The following COL4A3 variants were observed in gnomAD, a reference collection of about 807,000 sequenced individuals.
The protein encoded by COL4A3 is collagen alpha-3(IV) chain.
COL4A3 carries 135 observed loss-of-function variants against 217.4 expected under a neutral mutation model. The ratio of observed to expected loss-of-function variants is 0.62; its 90% CI spans 0.54 to 0.72. COL4A3 has a LOEUF of 0.72. Among genes scored for constraint, COL4A3 ranks in the 30% least tolerant of loss-of-function variants. COL4A3 has a pLI of 0.00. For missense variants in COL4A3, 1,868 were observed against 2,119.9 expected, an observed-to-expected ratio of 0.88 and a Z score of 2.33; for synonymous variants, 690 against 736.3, an observed-to-expected ratio of 0.94 and a Z score of 1.02.
At chr2:227,305,328 C>T in intron 47 of COL4A3, 1 of 469,300 alleles carries the variant, frequency 2.1e-6, no homozygotes, top group South Asian at 2.1e-5. Flanking sequence ...AGCCTGAGGA[C>T]AAATAGAACT....
intron 1 of COL4A3, among the ~76,000 whole-genome samples, chr2:227,166,112 A>G (rs912991362): frequency 4.6e-5 from 7 of 152,228 alleles, no homozygotes; most frequent in Admixed American, 6.5e-5. Flanking sequence ...TTTGTTGCAC[A>G]GTATTTCACA....
chr2:227,180,256 C>T (rs2065827731), intron 1 of COL4A3, among the ~76,000 whole-genome samples: 1 of 152,172 alleles, frequency 6.6e-6, no homozygotes, highest in South Asian at 2.1e-4. Flanking sequence ...CCTCTGAAAT[C>T]TTATGAGATG....
At chr2:227,254,750 G>T in intron 15 of COL4A3, 35 bp downstream of exon 15, 1 of 1,484,040 alleles carries the variant, frequency 6.7e-7, no homozygotes, top group South Asian at 1.1e-5. Context: ...GTGCAGTTTT[G>T]ATTAGTCAGG....
At chr2:227,301,404 C>T (rs1213508772) in intron 43 of COL4A3, among the ~76,000 whole-genome samples, 1 of 152,178 alleles carries the variant, frequency 6.6e-6, no homozygotes, top group African/African-American at 2.4e-5. Flanking sequence ...TAATGAGGTG[C>T]TTTGCCATAG....
intron 44 of COL4A3, 113 bp downstream of exon 44, chr2:227,303,223 C>T (rs954157859): frequency 3.6e-6 from 3 of 844,308 alleles, no homozygotes; most frequent in Admixed American, 3.8e-5. Flanking sequence ...ACAAATAGGA[C>T]CTCAATACGA....
intron 1 of COL4A3, among the ~76,000 whole-genome samples, chr2:227,202,135 G>T (rs1328795664): frequency 6.6e-6 from 1 of 152,118 alleles, no homozygotes; most frequent in African/African-American, 2.4e-5. Context: ...TTAAGTACGG[G>T]TTCATTAGAA....
chr2:227,307,104 T>C (rs2073537459), intron 47 of COL4A3, among the ~76,000 whole-genome samples: 1 of 152,156 alleles, frequency 6.6e-6, no homozygotes, highest in African/African-American at 2.4e-5. Context: ...GAGAAAAATG[T>C]ACAGAAACGA....
chr2:227,249,230 A>ATATATT lies in COL4A3; in HGVS notation c.546+711_546+712insATATTT. On this transcript the variant is annotated intron_variant, in intron 9 of 51. Coordinates refer to ENST00000396578, the MANE Select transcript of COL4A3 (RefSeq NM_000091.5). Reference sequence around the variant, plus strand: ...TTAGCTAGTATATATATATATATATATTTTTTTTTTTTTTTTTTTTTTTGA... The same window carrying ATATATT: ...TTAGCTAGTATATATATATATATATATATATTTTTTTTTTTTTTTTTTTTTTTTTGA... 8.2e-4 allele frequency among the ~76,000 whole-genome samples: 12 copies of ATATATT among 14,694 alleles called. 2 individuals are homozygous for ATATATT. Among genetic ancestry groups the ATATATT allele is most frequent in the South Asian group, 4.3e-3 (1 of 234 alleles). 9.6% of individuals were successfully genotyped at this position (14,694 alleles called of 152,430 possible).
intron 1 of COL4A3, among the ~76,000 whole-genome samples, chr2:227,212,612 C>T (rs1234553787): frequency 6.6e-6 from 1 of 152,182 alleles, no homozygotes; most frequent in African/African-American, 2.4e-5. Flanking sequence ...TCCATTGGTA[C>T]ATTTGTCCAT....
In COL4A3 at chr2:227,238,018, G is replaced by A; in HGVS notation, c.138G>A (p.Gly46=). 6.2e-7 allele frequency: 1 copy of A among 1,604,482 alleles called. No individual in the cohort carries two copies. Among genetic ancestry groups the A allele is most frequent in the Non-Finnish European group, 8.5e-7 (1 of 1,171,482 alleles). Residue 46 remains glycine, a synonymous_variant, in exon 2 of 52, where the codon GGG becomes GGA. Coordinates refer to ENST00000396578, the MANE Select transcript of COL4A3 (RefSeq NM_000091.5). ...AGTGCTTCTGTGACGGGGCCAAAGG[G>A]GAGAAGGTAAAAACAAACCCTAATA... ...KGQCFCDGAK[G]EKGEKGFPGP...
At chr2:227,256,226 AAG>A (rs1314020530) in intron 16 of COL4A3, 115 bp from the exon 17 acceptor site, 5 of 1,140,238 alleles carry the variant, frequency 4.4e-6, no homozygotes, top group Non-Finnish European at 6.6e-6. Flanking sequence ...CCCCACTGTG[AAG>A]AGAGATCATC....
Position 227,240,249 on chromosome 2 carries a change from G to A in COL4A3, c.234+17G>A, listed in dbSNP as rs371429084. 1.3e-5 allele frequency: 21 copies of A among 1,598,104 alleles called. No homozygotes were observed. Among genetic ancestry groups the A allele is most frequent in the Non-Finnish European group, 1.5e-5 (18 of 1,171,508 alleles). ...GGACCCAAGGTATGTCATCCTGCAA[G>A]CTTGGAAAATCCCCAACCCACCTAA... On this transcript the variant is annotated intron_variant, in intron 3 of 51. Coordinates refer to ENST00000396578, the MANE Select transcript of COL4A3 (RefSeq NM_000091.5).
At chr2:227,279,131 G>A (rs1167339141) in intron 28 of COL4A3, among the ~76,000 whole-genome samples, 1 of 149,876 alleles carries the variant, frequency 6.7e-6, no homozygotes, top group Admixed American at 6.7e-5. Context: ...AGGCTGGAGT[G>A]TAATTGGCAC....
intron 9 of COL4A3, 48 bp downstream of exon 9, chr2:227,248,568 C>A: frequency 8.0e-7 from 1 of 1,250,932 alleles, no homozygotes; most frequent in Non-Finnish European, 1.2e-6. Context: ...TTTTCACTCT[C>A]TCTCTCTCTT....
intron 21 of COL4A3, chr2:227,265,148 C>T (rs1359419460): frequency 6.6e-6 from 1 of 152,150 alleles, no homozygotes; most frequent in Admixed American, 6.5e-5. Context: ...TGCAGGTACT[C>T]AGATATTTTT....
At position 227,232,649 on chromosome 2, in the gene COL4A3, C is replaced by T. The variant is rs2068468702; in HGVS notation, c.88-5319C>T. ...TGATTTTGAGCACCTTTTCATATGC[C>T]TGTTTGCTATCTGTATGTCTTCTTT... On this transcript the variant is annotated intron_variant, in intron 1 of 51. Coordinates refer to ENST00000396578, the MANE Select transcript of COL4A3 (RefSeq NM_000091.5). Among the ~76,000 whole-genome samples the T allele has an allele frequency of 2.6e-5, 4 of 152,064 alleles. No homozygotes were observed. In the South Asian group the frequency reaches 8.3e-4, roughly 32 times the overall value.
intron 20 of COL4A3, among the ~76,000 whole-genome samples, chr2:227,262,092 G>C (rs2070612771): frequency 1.3e-5 from 2 of 151,912 alleles, no homozygotes; most frequent in South Asian, 4.2e-4. Flanking sequence ...AAATAAAGCA[G>C]ACTGCAGAAC....
chr2:227,207,318 A>G (rs1282549863), intron 1 of COL4A3, among the ~76,000 whole-genome samples: 1 of 152,226 alleles, frequency 6.6e-6, no homozygotes, highest in Non-Finnish European at 1.5e-5. Flanking sequence ...CACTAAAAAA[A>G]TGCATTTTAG....
At chr2:227,227,842 A>G (rs1445968381) in intron 1 of COL4A3, 1 of 152,056 alleles carries the variant, frequency 6.6e-6, no homozygotes, top group Admixed American at 6.6e-5. Flanking sequence ...CGTGGAGCCT[A>G]TTTTTCTTAC....
Sources: gnomAD v4.1 joint callset for allele counts (sites outside exome capture counted in the v4.1 genomes callset) on GRCh38, gnomAD v4.1.1 for gene constraint, MANE v1.5 for transcripts, NCBI Gene and HGNC (gene_info 2026-07-23, HGNC 2026-07-21) for gene names.